TSPAN13: variants seen among roughly 807,000 people sequenced by gnomAD.
TSPAN13 encodes the protein tetraspanin 13, also known as tetraspanin-13.
A neutral mutation model predicts 26.9 loss-of-function variants in TSPAN13; 18 were observed. That is an observed-to-expected ratio of 0.67 (90% CI 0.46 to 0.99). The LOEUF (loss-of-function observed/expected upper bound fraction) is 0.99. Ranked by LOEUF, TSPAN13 falls within the 50% of genes least tolerant of loss-of-function variation. The probability of loss-of-function intolerance (pLI) is 0.00; values close to 1 mark genes in which losing one functional copy is unlikely to be tolerated. For synonymous variants in TSPAN13, 116 were observed against 98.4 expected (o/e 1.18, Z -1.06); for missense variants, 201 against 249.6 (o/e 0.81, Z 1.31).
intron 1 of TSPAN13, among the ~76,000 whole-genome samples, chr7:16,761,210 A>G (rs1784537533): frequency 6.6e-6 from 1 of 152,244 alleles, no homozygotes; most frequent in South Asian, 2.1e-4. Context: ...ACGGAGAGCC[A>G]TAATGAAGAA....
intron 1 of TSPAN13, among the ~76,000 whole-genome samples, chr7:16,769,987 T>C (rs534314688): frequency 3.9e-5 from 6 of 152,234 alleles, no homozygotes; most frequent in African/African-American, 1.4e-4. Context: ...TTAACCTTTC[T>C]CTTAAATAAT....
intron 3 of TSPAN13, 117 bp downstream of exon 3, chr7:16,777,239 T>G: frequency 1.4e-6 from 1 of 697,860 alleles, no homozygotes; most frequent in South Asian, 1.9e-5. Flanking sequence ...CCACCTTCAC[T>G]CTGGATAGCA....
chr7:16,769,119 C>T (rs530514131), intron 1 of TSPAN13, among the ~76,000 whole-genome samples: 5 of 152,186 alleles, frequency 3.3e-5, no homozygotes, highest in African/African-American at 1.2e-4. Flanking sequence ...AGCCACTGTG[C>T]CTGGCCATTA....
intron 1 of TSPAN13, among the ~76,000 whole-genome samples, chr7:16,759,190 G>A (rs906324199): frequency 6.6e-6 from 1 of 152,118 alleles, no homozygotes; most frequent in Admixed American, 6.5e-5. Flanking sequence ...AGAAAACAGT[G>A]TACGAAAGGT....
chr7:16,761,920 G>C (rs1302673062), intron 1 of TSPAN13, among the ~76,000 whole-genome samples: 2 of 151,884 alleles, frequency 1.3e-5, no homozygotes, highest in Non-Finnish European at 2.9e-5. Context: ...TTTTAAATTT[G>C]CTTGCCTTCC....
At chr7:16,757,928 G>A (rs1784499100) in intron 1 of TSPAN13, among the ~76,000 whole-genome samples, 1 of 152,096 alleles carries the variant, frequency 6.6e-6, no homozygotes, top group Non-Finnish European at 1.5e-5. Flanking sequence ...CCGCCTCCTG[G>A]GTTCAAGCGA....
At chr7:16,754,057 C>G (rs1195127497) in intron 1 of TSPAN13, 27 bp downstream of exon 1, 1 of 1,609,928 alleles carries the variant, frequency 6.2e-7, no homozygotes, top group East Asian at 2.2e-5. Context: ...CGTTCCTGCT[C>G]GCTTGGGGGC....
At chr7:16,768,776 G>C (rs757582523) in intron 1 of TSPAN13, among the ~76,000 whole-genome samples, 2 of 152,310 alleles carry the variant, frequency 1.3e-5, no homozygotes, top group South Asian at 2.1e-4. Flanking sequence ...TGCTGACTTA[G>C]AATTTTGCCT....
chr7:16,766,853 A>G (rs1784608821), intron 1 of TSPAN13, among the ~76,000 whole-genome samples: 1 of 152,180 alleles, frequency 6.6e-6, no homozygotes, highest in African/African-American at 2.4e-5. Flanking sequence ...TTAATTAGGA[A>G]ATTTCATATG....
chr7:16,772,433 T>C (rs1255907379), intron 1 of TSPAN13, among the ~76,000 whole-genome samples: 1 of 152,154 alleles, frequency 6.6e-6, no homozygotes, highest in Non-Finnish European at 1.5e-5. Context: ...AATCAAGGTG[T>C]CCACAGAGTC....
intron 5 of TSPAN13, among the ~76,000 whole-genome samples, chr7:16,782,063 G>C (rs1416462606): frequency 6.6e-6 from 1 of 152,118 alleles, no homozygotes; most frequent in Non-Finnish European, 1.5e-5. Flanking sequence ...TGACGATATT[G>C]ATAGTATCTA....
chr7:16,761,931 A>C (rs1784545950), intron 1 of TSPAN13, among the ~76,000 whole-genome samples: 1 of 152,064 alleles, frequency 6.6e-6, no homozygotes, highest in African/African-American at 2.4e-5. Flanking sequence ...CTTGCCTTCC[A>C]CTACCATCAT....
chr7:16,777,913 T>C lies in TSPAN13; in HGVS notation c.426+2T>C, dbSNP rs1324389671. The C allele has an allele frequency of 6.2e-7, 1 of 1,605,802 alleles. No homozygotes were observed. The highest frequency in any genetic ancestry group is 1.7e-5 in the Admixed American group (1 of 59,754). On this transcript the variant is annotated splice_donor_variant, in intron 4 of 5. Transcript: ENST00000262067. LOFTEE classifies it high-confidence loss of function. Reference sequence around the variant, plus strand: ...AACCCAAATGACACCTGTCTGGCTGTAAGTACATTGTATAATATATGTTTT... The same window carrying C: ...AACCCAAATGACACCTGTCTGGCTGCAAGTACATTGTATAATATATGTTTT...
chr7:16,769,856 G>GATT (rs1232720056), intron 1 of TSPAN13, among the ~76,000 whole-genome samples: 3 of 152,024 alleles, frequency 2.0e-5, no homozygotes, highest in African/African-American at 7.2e-5. Flanking sequence ...AAATGTTTAT[G>GATT]ATTTATTTTT....
chr7:16,764,918 T>C (rs1404221182), intron 1 of TSPAN13, among the ~76,000 whole-genome samples: 2 of 117,558 alleles, frequency 1.7e-5, no homozygotes, highest in Non-Finnish European at 3.5e-5. Context: ...TCTGTCTCTG[T>C]TTTGTTTTTG....
At position 16,784,121 on chromosome 7, in the gene TSPAN13, A is replaced by G. The variant is rs983300451; in HGVS notation, c.*630A>G. On this transcript the variant is annotated 3_prime_UTR_variant, in exon 6 of 6. Transcript: ENST00000262067. ...ACTTTTACAGGTAAGTGCAAAGGAGAAGTGGTTTCATGAAATGTTCTAATG... is the reference window on the plus strand; with the variant it reads ...ACTTTTACAGGTAAGTGCAAAGGAGGAGTGGTTTCATGAAATGTTCTAATG... 2 of 152,628 alleles carry G rather than the reference A, an allele frequency of 1.3e-5. No individual in the cohort carries two copies. The highest frequency in any genetic ancestry group is 4.8e-5 in the African/African-American group (2 of 41,450). 9.5% of individuals were successfully genotyped at this position (152,628 alleles called of 1,614,324 possible).
At chr7:16,778,319 G>A (rs995880275) in intron 4 of TSPAN13, among the ~76,000 whole-genome samples, 4 of 152,212 alleles carry the variant, frequency 2.6e-5, no homozygotes, top group African/African-American at 4.8e-5. Context: ...TAGGGGGTCT[G>A]TGTTATGTTT....
At chr7:16,768,533 C>A (rs1381635233) in intron 1 of TSPAN13, among the ~76,000 whole-genome samples, 1 of 152,188 alleles carries the variant, frequency 6.6e-6, no homozygotes, top group African/African-American at 2.4e-5. Context: ...AAATGTAAAA[C>A]CCTTATAATA....
At chr7:16,758,865 G>A (rs959390318) in intron 1 of TSPAN13, among the ~76,000 whole-genome samples, 2 of 151,754 alleles carry the variant, frequency 1.3e-5, no homozygotes, top group African/African-American at 4.8e-5. Context: ...GTAACTGTTT[G>A]GGGTTATTTG....
Sources: gnomAD v4.1 joint callset for allele counts (sites outside exome capture counted in the v4.1 genomes callset) on GRCh38, gnomAD v4.1.1 for gene constraint, MANE v1.5 for transcripts, NCBI Gene and HGNC (gene_info 2026-07-23, HGNC 2026-07-21) for gene names.